OPHN1: variants seen among roughly 807,000 people sequenced by gnomAD.
OPHN1 encodes oligophrenin-1.
In OPHN1, 11 loss-of-function variants were observed where a neutral mutation model predicts 60.7. The observed-to-expected ratio is 0.18, with a 90% CI of 0.11 to 0.30. The LOEUF (loss-of-function observed/expected upper bound fraction) is 0.30. Among genes scored for constraint, OPHN1 ranks in the 10% least tolerant of loss-of-function variants. The probability of loss-of-function intolerance (pLI) is 1.00; values close to 1 mark genes in which losing one functional copy is unlikely to be tolerated. For synonymous variants in OPHN1, 226 were observed against 222.6 expected, an observed-to-expected ratio of 1.02 and a Z score of -0.14; for missense variants, 449 against 611.0, an observed-to-expected ratio of 0.73 and a Z score of 2.80.
intron 18 of OPHN1, among the ~76,000 whole-genome samples, chrX:68,100,709 CA>C (rs1370839642): frequency 9.0e-6 from 1 of 111,033 alleles, no homozygotes; most frequent in Non-Finnish European, 1.9e-5. Context: ...TCCCTATCCC[CA>C]AGGATGGTGC....
chrX:68,148,842 T>G (rs1297279488), intron 15 of OPHN1, among the ~76,000 whole-genome samples: 1 of 111,472 alleles, frequency 9.0e-6, no homozygotes, highest in Non-Finnish European at 1.9e-5. Context: ...AGAGGTTCTG[T>G]AATGTTTTAA....
chrX:68,335,151 A>G (rs1209948183), intron 2 of OPHN1, among the ~76,000 whole-genome samples: 3 of 96,662 alleles, frequency 3.1e-5, no homozygotes, highest in African/African-American at 1.4e-4. Flanking sequence ...AAGAAAATGC[A>G]AATATTCTTC....
chrX:68,414,893 A>G (rs1256477828), intron 2 of OPHN1, among the ~76,000 whole-genome samples: 2 of 112,038 alleles, frequency 1.8e-5, no homozygotes, highest in Non-Finnish European at 3.8e-5. Context: ...GTCTTTAACC[A>G]CTTTAGTCCC....
chrX:68,050,809 G>C (rs1032389954), intron 23 of OPHN1, among the ~76,000 whole-genome samples: 18 of 111,996 alleles, frequency 1.6e-4, no homozygotes, highest in Non-Finnish European at 1.9e-5. Flanking sequence ...GAAGGCATAG[G>C]CCACCTTATT....
intron 2 of OPHN1, among the ~76,000 whole-genome samples, chrX:68,395,122 A>AT (rs1171706312): frequency 9.7e-6 from 1 of 103,218 alleles, no homozygotes; most frequent in Non-Finnish European, 2.0e-5. Flanking sequence ...CACCCCGCTA[A>AT]TTTTTTGTAT....
intron 2 of OPHN1, among the ~76,000 whole-genome samples, chrX:68,378,697 C>T (rs2078575854): frequency 9.0e-6 from 1 of 111,727 alleles, no homozygotes; most frequent in Admixed American, 9.6e-5. Flanking sequence ...GGAATCCTTT[C>T]CCCATTGCTT....
intron 2 of OPHN1, among the ~76,000 whole-genome samples, chrX:68,347,090 G>T: frequency 9.0e-6 from 1 of 111,371 alleles, no homozygotes; most frequent in South Asian, 3.8e-4. Flanking sequence ...CTACCTTGTG[G>T]CCCTGCCTAA....
chrX:68,136,072 C>T (rs763073421), intron 15 of OPHN1, among the ~76,000 whole-genome samples: 4 of 110,815 alleles, frequency 3.6e-5, no homozygotes, highest in East Asian at 5.7e-4. Flanking sequence ...CCCTAAGTTA[C>T]GTGTTGTGCT....
intron 21 of OPHN1, among the ~76,000 whole-genome samples, chrX:68,054,658 A>G (rs2076865810): frequency 8.9e-6 from 1 of 112,131 alleles, no homozygotes; most frequent in Non-Finnish European, 1.9e-5. Context: ...ACTTAACCAT[A>G]AAGGCTAAAC....
intron 15 of OPHN1, among the ~76,000 whole-genome samples, chrX:68,123,122 T>A (rs2077156790): frequency 9.0e-6 from 1 of 111,485 alleles, no homozygotes; most frequent in Admixed American, 9.5e-5. Context: ...AGCTCGAATA[T>A]GTCTGACAGC....
intron 2 of OPHN1, among the ~76,000 whole-genome samples, chrX:68,410,117 C>G (rs1282488389): frequency 9.0e-6 from 1 of 111,686 alleles, no homozygotes; most frequent in Non-Finnish European, 1.9e-5. Flanking sequence ...AATTATTTAT[C>G]AAGTTATTCA....
intron 2 of OPHN1, among the ~76,000 whole-genome samples, chrX:68,378,762 T>C (rs1348380588): frequency 3.6e-5 from 4 of 111,384 alleles, no homozygotes; most frequent in Non-Finnish European, 5.7e-5. Flanking sequence ...GCGTTATTTC[T>C]GAGGGCTCTG....
At chrX:68,231,234 C>T (rs2077727385) in intron 6 of OPHN1, among the ~76,000 whole-genome samples, 1 of 111,614 alleles carries the variant, frequency 9.0e-6, no homozygotes, top group African/African-American at 3.3e-5. Context: ...GAAAGATATT[C>T]CATGTACATA....
chrX:68,141,754 GAGAC>G (rs1262098332), intron 15 of OPHN1, among the ~76,000 whole-genome samples: 2 of 110,800 alleles, frequency 1.8e-5, no homozygotes, highest in Non-Finnish European at 3.8e-5. Flanking sequence ...GAGAAACAGA[GAGAC>G]AGAGAGGTCA....
chrX:68,278,592 AAG>A (rs1327343801), intron 4 of OPHN1, among the ~76,000 whole-genome samples: 13 of 113,578 alleles, frequency 1.1e-4, no homozygotes, highest in African/African-American at 3.8e-4. Flanking sequence ...GAAATATCAA[AAG>A]AGAGCACTGG....
At chrX:68,268,088 G>T (rs1317382803) in intron 5 of OPHN1, among the ~76,000 whole-genome samples, 1 of 111,123 alleles carries the variant, frequency 9.0e-6, no homozygotes, top group African/African-American at 3.3e-5. Context: ...ATTCACAGCC[G>T]AATTCTACAG....
At chrX:68,212,311 G>T in intron 7 of OPHN1, 99 bp from the exon 8 acceptor site, 1 of 602,830 alleles carries the variant, frequency 1.7e-6, no homozygotes, top group Non-Finnish European at 2.7e-6. Flanking sequence ...GTGTGGCTGG[G>T]TGTGGTGGCT....
At chrX:68,328,352 T>G (rs1345248688) in intron 2 of OPHN1, among the ~76,000 whole-genome samples, 1 of 110,021 alleles carries the variant, frequency 9.1e-6, no homozygotes, top group East Asian at 2.8e-4. Context: ...ATGGTCTCGA[T>G]CTCCTGACCT....
chrX:68,132,845 G>C, intron 15 of OPHN1: 1 of 269,290 alleles, frequency 3.7e-6, no homozygotes, highest in Non-Finnish European at 6.6e-6. Flanking sequence ...TCCGCTCCCG[G>C]TCCCTGGCCC....
Sources: gnomAD v4.1 joint callset for allele counts (sites outside exome capture counted in the v4.1 genomes callset) on GRCh38, gnomAD v4.1.1 for gene constraint, MANE v1.5 for transcripts, NCBI Gene and HGNC (gene_info 2026-07-23, HGNC 2026-07-21) for gene names.